CCSER1: variants seen among roughly 807,000 people sequenced by gnomAD.
The protein encoded by CCSER1 is coiled-coil serine rich protein 1.
CCSER1 carries 41 observed loss-of-function variants against 82.0 expected under a neutral mutation model. The observed-to-expected ratio is 0.50, with a 90% confidence interval of 0.39 to 0.65. The LOEUF (loss-of-function observed/expected upper bound fraction) is 0.65. Among genes scored for constraint, CCSER1 ranks in the 30% least tolerant of loss-of-function variants. CCSER1 has a pLI of 0.00. For synonymous variants in CCSER1, 414 were observed against 383.9 expected (o/e 1.08, Z -0.92); for missense variants, 1,119 against 1,064.2 (o/e 1.05, Z -0.72).
intron 6 of CCSER1, among the ~76,000 whole-genome samples, chr4:90,716,145 G>T (rs1399861901): frequency 6.6e-6 from 1 of 151,560 alleles, no homozygotes; most frequent in Non-Finnish European, 1.5e-5. Context: ...TATAACATCT[G>T]TAGAAGGTTA....
At chr4:90,880,784 G>T (rs965747771) in intron 8 of CCSER1, among the ~76,000 whole-genome samples, 1 of 152,066 alleles carries the variant, frequency 6.6e-6, no homozygotes, top group African/African-American at 2.4e-5. Context: ...AGATTTTCCT[G>T]TACCTGGAGG....
At chr4:91,210,158 C>T (rs188856251) in intron 10 of CCSER1, among the ~76,000 whole-genome samples, 33 of 151,554 alleles carry the variant, frequency 2.2e-4, no homozygotes, top group Admixed American at 3.3e-4. Context: ...TTGCCAAATA[C>T]GGAATACATT....
intron 5 of CCSER1, among the ~76,000 whole-genome samples, chr4:90,575,520 G>A (rs1780635806): frequency 6.6e-6 from 1 of 152,184 alleles, no homozygotes; most frequent in Admixed American, 6.5e-5. Flanking sequence ...ACAGGAACTT[G>A]AGAGTACACA....
chr4:90,642,465 G>C (rs952172896), intron 6 of CCSER1: 4 of 152,152 alleles, frequency 2.6e-5, no homozygotes, highest in Non-Finnish European at 5.9e-5. Context: ...TTGAAAACTT[G>C]TGGAAATTGA....
chr4:90,728,248 T>C (rs1425299212), intron 7 of CCSER1, among the ~76,000 whole-genome samples: 2 of 152,198 alleles, frequency 1.3e-5, no homozygotes, highest in Non-Finnish European at 1.5e-5. Context: ...CTTCTTCTTA[T>C]GAAATCCAAG....
At chr4:91,392,448 A>G (rs945409395) in intron 10 of CCSER1, among the ~76,000 whole-genome samples, 7 of 151,120 alleles carry the variant, frequency 4.6e-5, no homozygotes, top group African/African-American at 1.7e-4. Flanking sequence ...TATTTGAACT[A>G]TAAAATAAGG....
rs566508189 is a variant in CCSER1, at chr4:90,791,486, C to T, written c.2011-24276C>T. 3.3e-5 allele frequency among the ~76,000 whole-genome samples: 5 copies of T among 152,240 alleles called. No homozygotes were observed. The South Asian group carries it at 1.0e-3, about 32-fold the overall frequency. On this transcript the variant is annotated intron_variant, in intron 7 of 10. Coordinates refer to ENST00000509176, the MANE Select transcript of CCSER1 (RefSeq NM_001145065.2). ...ATCAACATTGAGGCAAGACCCTCCA[C>T]CAACAGAAAGAGTACAACTCTTTGA...
At chr4:90,332,952 CT>C (rs1438047245) in intron 3 of CCSER1, among the ~76,000 whole-genome samples, 1 of 152,170 alleles carries the variant, frequency 6.6e-6, no homozygotes, top group Non-Finnish European at 1.5e-5. Context: ...TGTTATGTCT[CT>C]TTTCTCTCCT....
intron 8 of CCSER1, among the ~76,000 whole-genome samples, chr4:90,819,206 G>A (rs1016453691): frequency 1.3e-5 from 2 of 152,138 alleles, no homozygotes; most frequent in Non-Finnish European, 2.9e-5. Context: ...GCCCTCTGAT[G>A]TCTCTTCTTC....
intron 6 of CCSER1, among the ~76,000 whole-genome samples, chr4:90,647,861 C>A (rs10003455): frequency 0.3 from 45,245 of 151,856 alleles, 7,228 homozygotes; most frequent in African/African-American, 0.41. Context: ...ACTAATCAAT[C>A]CATAAGTAAT....
chr4:91,377,084 A>AT (rs1371444596), intron 10 of CCSER1, among the ~76,000 whole-genome samples: 24 of 152,056 alleles, frequency 1.6e-4, no homozygotes, highest in South Asian at 6.2e-4. Flanking sequence ...TGAACTCATC[A>AT]TTTTTTATGG....
chr4:91,073,275 G>A (rs761123366), intron 9 of CCSER1, among the ~76,000 whole-genome samples: 2 of 152,016 alleles, frequency 1.3e-5, no homozygotes, highest in Non-Finnish European at 2.9e-5. Context: ...AAATCCCTCT[G>A]TGACTTAAAT....
chr4:90,562,419 G>T (rs1044526375), intron 5 of CCSER1, among the ~76,000 whole-genome samples: 5 of 151,892 alleles, frequency 3.3e-5, no homozygotes, highest in African/African-American at 1.2e-4. Flanking sequence ...AAATAAAAGG[G>T]AAAACACATA....
intron 9 of CCSER1, among the ~76,000 whole-genome samples, chr4:90,934,138 A>G (rs1176303326): frequency 1.3e-5 from 2 of 152,006 alleles, no homozygotes; most frequent in African/African-American, 4.8e-5. Context: ...CAACACAAAT[A>G]ACAATAGGAG....
At position 91,121,076 on chromosome 4, in the gene CCSER1, C is replaced by G. The variant is rs72888540; in HGVS notation, c.2217+35082C>G. Among the ~76,000 whole-genome samples, 1,490 of 151,392 alleles carry G rather than the reference C, an allele frequency of 9.8e-3. 24 individuals carry two copies. The highest frequency in any genetic ancestry group is 0.034 in the African/African-American group (1,405 of 41,366). ...GTTTCAATTGGAAAATTTAGGCTTT[C>G]TTGAGTAAATTCTTTATATATGTTA... is the stretch of plus-strand genomic sequence containing the variant. On this transcript the variant is annotated intron_variant, in intron 10 of 10. Transcript: ENST00000509176.
At chr4:90,988,263 A>G (rs988185228) in intron 9 of CCSER1, among the ~76,000 whole-genome samples, 6 of 144,526 alleles carry the variant, frequency 4.2e-5, no homozygotes, top group African/African-American at 1.5e-4. Flanking sequence ...TGAGCCAGGA[A>G]GGTCAAGACT....
intron 10 of CCSER1, among the ~76,000 whole-genome samples, chr4:91,151,843 T>G (rs1319344466): frequency 6.6e-6 from 1 of 152,196 alleles, no homozygotes; most frequent in African/African-American, 2.4e-5. Flanking sequence ...GAGAAACAGT[T>G]TGTTATAATT....
chr4:90,182,222 T>A (rs951175113), intron 1 of CCSER1, among the ~76,000 whole-genome samples: 2 of 152,182 alleles, frequency 1.3e-5, no homozygotes, highest in Non-Finnish European at 2.9e-5. Context: ...TTATGAAATA[T>A]GACTTCTTAT....
chr4:91,526,104 G>T (rs1578698995), intron 10 of CCSER1, among the ~76,000 whole-genome samples: 2 of 152,086 alleles, frequency 1.3e-5, no homozygotes, highest in South Asian at 2.1e-4. Context: ...AAATCCAGGA[G>T]ATAATCAACT....
Sources: gnomAD v4.1 joint callset for allele counts (sites outside exome capture counted in the v4.1 genomes callset) on GRCh38, gnomAD v4.1.1 for gene constraint, MANE v1.5 for transcripts, NCBI Gene and HGNC (gene_info 2026-07-23, HGNC 2026-07-21) for gene names.